GOLPH3L: variants seen among roughly 807,000 people sequenced by gnomAD.
GOLPH3L encodes the protein golgi phosphoprotein 3 like.
A neutral mutation model predicts 30.3 loss-of-function variants in GOLPH3L; 22 were observed. The observed-to-expected ratio is 0.73, with a 90% CI of 0.52 to 1.04. The LOEUF is 1.04. GOLPH3L is among the 50% of genes least tolerant of loss of function. GOLPH3L has a pLI of 0.00. For synonymous variants in GOLPH3L, 120 were observed against 128.2 expected (o/e 0.94, Z 0.43); for missense variants, 303 against 345.8 (o/e 0.88, Z 0.98).
chr1:150,681,521 A>G (rs1650947014), intron 2 of GOLPH3L, among the ~76,000 whole-genome samples: 1 of 152,184 alleles, frequency 6.6e-6, no homozygotes, highest in Admixed American at 6.6e-5. Flanking sequence ...AAGTAGACTA[A>G]GCAGCGAGAA....
intron 2 of GOLPH3L, 149 bp downstream of exon 2, chr1:150,694,507 G>A (rs923023837): frequency 1.5e-5 from 8 of 520,598 alleles, no homozygotes; most frequent in African/African-American, 3.9e-5. Flanking sequence ...TCCAAGTATC[G>A]GTCACTGTCC....
chr1:150,654,141 T>C (rs936251399), intron 4 of GOLPH3L, among the ~76,000 whole-genome samples: 2 of 151,818 alleles, frequency 1.3e-5, no homozygotes, highest in Non-Finnish European at 1.5e-5. Context: ...AATGATAATA[T>C]CAATAAAGAG....
chr1:150,687,142 C>T (rs1445416201), intron 2 of GOLPH3L, among the ~76,000 whole-genome samples: 1 of 151,702 alleles, frequency 6.6e-6, no homozygotes, highest in Non-Finnish European at 1.5e-5. Context: ...AAGACAAGGT[C>T]TTGTTCTTTG....
intron 2 of GOLPH3L, among the ~76,000 whole-genome samples, chr1:150,675,820 A>G (rs1331636608): frequency 2.7e-5 from 4 of 147,896 alleles, no homozygotes; most frequent in Non-Finnish European, 4.5e-5. Context: ...ATTGAGGAGT[A>G]GAGATAGAAG....
chr1:150,651,627 C>T (rs1215449037), intron 4 of GOLPH3L, among the ~76,000 whole-genome samples: 17 of 122,056 alleles, frequency 1.4e-4, no homozygotes, highest in Admixed American at 6.4e-4. Context: ...CCAGCCTCAG[C>T]GACAGAGCGA....
chr1:150,695,623 T>TA (rs972622338), intron 1 of GOLPH3L, among the ~76,000 whole-genome samples: 4 of 151,970 alleles, frequency 2.6e-5, no homozygotes, highest in African/African-American at 9.7e-5. Flanking sequence ...TACTACATTA[T>TA]AAAAAAACAC....
In GOLPH3L at chr1:150,648,153, A is replaced by G; in HGVS notation, c.*168T>C. On this transcript the variant is annotated 3_prime_UTR_variant, in exon 5 of 5. Coordinates refer to ENST00000271732, the MANE Select transcript of GOLPH3L (RefSeq NM_018178.6). ...TAGGGAGAAATAAGGTCTGCTTATAATGGTCAAGGTCTATGGAGAAGCCCT... is the reference window on the plus strand; with the variant it reads ...TAGGGAGAAATAAGGTCTGCTTATAGTGGTCAAGGTCTATGGAGAAGCCCT... The G allele has an allele frequency of 1.8e-6, 1 of 568,610 alleles. No homozygotes were observed. Among genetic ancestry groups the G allele is most frequent in the South Asian group, 2.5e-5 (1 of 39,712 alleles). The allele number at this position is 568,610 out of a possible 1,614,324, so 35.2% of individuals were successfully genotyped here.
At chr1:150,670,700 C>T (rs1650624860) in intron 2 of GOLPH3L, among the ~76,000 whole-genome samples, 1 of 152,178 alleles carries the variant, frequency 6.6e-6, no homozygotes, top group Non-Finnish European at 1.5e-5. Flanking sequence ...TTAATGGGTA[C>T]TTTTCTAGAT....
In GOLPH3L at chr1:150,648,406, A is replaced by T; in HGVS notation, c.773T>A (p.Val258Glu). 6.2e-7 allele frequency: 1 copy of T among 1,613,722 alleles called. No homozygotes were observed. Among genetic ancestry groups the T allele is most frequent in the Non-Finnish European group, 8.5e-7 (1 of 1,179,662 alleles). ...DVAMNRAKDL[V>E]ELDPEVEGTK... ...CCCTTCCACTTCAGGGTCCAGTTCT[A>T]CTAAGTCCTTGGCTCGATTCATTGC... Residue 258 changes from valine to glutamate, a missense_variant, in exon 5 of 5, where the codon GTA becomes GAA. Coordinates refer to ENST00000271732, the MANE Select transcript of GOLPH3L (RefSeq NM_018178.6).
intron 2 of GOLPH3L, among the ~76,000 whole-genome samples, chr1:150,683,468 G>A (rs1202719711): frequency 6.8e-6 from 1 of 147,856 alleles, no homozygotes; most frequent in Non-Finnish European, 1.5e-5. Flanking sequence ...CCCGGGAGGC[G>A]GAGCTTGCAG....
intron 1 of GOLPH3L, among the ~76,000 whole-genome samples, chr1:150,695,574 TATA>T (rs970211268): frequency 6.6e-6 from 1 of 152,204 alleles, no homozygotes; most frequent in East Asian, 1.9e-4. Context: ...CCAAAATGCA[TATA>T]ATAATTTGTA....
chr1:150,687,436 G>A lies in GOLPH3L; in HGVS notation c.183+7220C>T, dbSNP rs7542697. ...CTACTAAAAATACAAAAAATTAGCC[G>A]GGCGTGGTGGTGCATGCCTGTAATC... On this transcript the variant is annotated intron_variant, in intron 2 of 4. Coordinates refer to ENST00000271732, the MANE Select transcript of GOLPH3L (RefSeq NM_018178.6). Among the ~76,000 whole-genome samples, 494 of 151,964 alleles carry A rather than the reference G, an allele frequency of 3.3e-3. 4 individuals carry two copies. The highest frequency in any genetic ancestry group is 0.011 in the African/African-American group (470 of 41,474).
intron 2 of GOLPH3L, among the ~76,000 whole-genome samples, chr1:150,686,276 G>A (rs1464626515): frequency 1.3e-5 from 2 of 152,162 alleles, no homozygotes; most frequent in African/African-American, 2.4e-5. Flanking sequence ...GCACAGTGGT[G>A]TGATCATAGC....
Position 150,648,194 on chromosome 1 carries a change from A to G in GOLPH3L, c.*127T>C, listed in dbSNP as rs912734624. On this transcript the variant is annotated 3_prime_UTR_variant, in exon 5 of 5. Transcript: ENST00000271732. Reference sequence around the variant, plus strand: ...GAGAAGCCCTGAAGTTGCTCTCCCCAAATCACAAGTCTGATTCAAGAAAAG... The same window carrying G: ...GAGAAGCCCTGAAGTTGCTCTCCCCGAATCACAAGTCTGATTCAAGAAAAG... The G allele has an allele frequency of 1.2e-5, 8 of 695,426 alleles. No individual in the cohort carries two copies. Among genetic ancestry groups the G allele is most frequent in the Non-Finnish European group, 1.4e-5 (6 of 418,906 alleles). 43.1% of individuals were successfully genotyped at this position (695,426 alleles called of 1,614,324 possible).
At position 150,694,865 on chromosome 1, in the gene GOLPH3L, GAA is replaced by G; in HGVS notation, c.-12-17_-12-16del. 5.0e-6 allele frequency: 7 copies of G among 1,392,488 alleles called. No homozygotes were observed. The highest frequency in any genetic ancestry group is 1.5e-5 in the South Asian group (1 of 67,888). 86.3% of individuals were successfully genotyped at this position (1,392,488 alleles called of 1,614,324 possible). ...CTCACCTGTTTCTGGAGGGAGTGGTGAAAAAAAAAATCCATATGTATGCTTAT... is the reference window on the plus strand; with the variant it reads ...CTCACCTGTTTCTGGAGGGAGTGGTGAAAAAAAATCCATATGTATGCTTAT... On this transcript the variant is annotated splice_polypyrimidine_tract_variant and intron_variant, in intron 1 of 4. Transcript: ENST00000271732.
At chr1:150,683,223 G>A (rs932601528) in intron 2 of GOLPH3L, among the ~76,000 whole-genome samples, 1 of 152,034 alleles carries the variant, frequency 6.6e-6, no homozygotes, top group African/African-American at 2.4e-5. Context: ...GCAACATGGC[G>A]AAACCCCATC....
At chr1:150,665,685 AATTAG>A (rs1650484492) in intron 2 of GOLPH3L, among the ~76,000 whole-genome samples, 1 of 152,084 alleles carries the variant, frequency 6.6e-6, no homozygotes, top group Non-Finnish European at 1.5e-5. Flanking sequence ...TAGCCTCATA[AATTAG>A]ATATCATCAT....
At chr1:150,657,627 GT>G (rs1207213504) in intron 4 of GOLPH3L, among the ~76,000 whole-genome samples, 1 of 152,200 alleles carries the variant, frequency 6.6e-6, no homozygotes, top group Non-Finnish European at 1.5e-5. Context: ...TGCAGTGTTT[GT>G]GGTGATGAGC....
At chr1:150,649,456 A>T (rs1650055533) in intron 4 of GOLPH3L, among the ~76,000 whole-genome samples, 1 of 152,076 alleles carries the variant, frequency 6.6e-6, no homozygotes, top group Non-Finnish European at 1.5e-5. Context: ...GGTGTTGAAA[A>T]CCATAGAGAT....
Sources: gnomAD v4.1 joint callset for allele counts (sites outside exome capture counted in the v4.1 genomes callset) on GRCh38, gnomAD v4.1.1 for gene constraint, MANE v1.5 for transcripts, NCBI Gene and HGNC (gene_info 2026-07-23, HGNC 2026-07-21) for gene names.